SP140: variants seen among roughly 807,000 people sequenced by gnomAD.
SP140 encodes the protein nuclear body protein SP140.
SP140 carries 81 observed loss-of-function variants against 125.0 expected under a neutral mutation model. The observed-to-expected ratio is 0.65, with a 90% confidence interval of 0.54 to 0.78. The LOEUF is 0.78. Ranked by LOEUF, SP140 falls within the 30% of genes least tolerant of loss-of-function variation. The pLI, the probability that SP140 is intolerant of heterozygous loss-of-function variation, is 0.00. For synonymous variants in SP140, 312 were observed against 354.0 expected (o/e 0.88, Z 1.33); for missense variants, 858 against 1,037.0 (o/e 0.83, Z 2.37).
intron 24 of SP140, 80 bp from the exon 25 acceptor site, chr2:230,311,074 G>A (rs878877357): frequency 4.4e-6 from 7 of 1,607,806 alleles, no homozygotes; most frequent in African/African-American, 1.3e-5. Flanking sequence ...GAAGAAGGGT[G>A]TGAGTTCTGT....
At chr2:230,253,558 G>C in intron 11 of SP140, 141 bp downstream of exon 11, 1 of 671,168 alleles carries the variant, frequency 1.5e-6, no homozygotes. Context: ...TCAATTTTCT[G>C]TTGGGCTTTT....
chr2:230,200,938 T>C, upstream of SP140: 1 of 1,613,932 alleles, frequency 6.2e-7, no homozygotes, highest in Non-Finnish European at 8.5e-7. Flanking sequence ...CTTTCCTTCA[T>C]TCATTTCTGA....
At position 230,211,899 on chromosome 2, in the gene SP140, T is replaced by C. The variant is rs2044523483; in HGVS notation, c.-322-1755T>C. ...ACAATGCCCAATATCATACCATTCT[T>C]ACGTTTAATGTAATCAAACTCCATT... On this transcript the variant is annotated intron_variant, in intron 1 of 4. Coordinates refer to the SP140 transcript ENST00000456542. This position sits in a 1 kb window ranked among gnomAD's most constrained non-coding sequence, Gnocchi z 4.2. Among the ~76,000 whole-genome samples, 1 of 152,212 alleles carries C rather than the reference T, an allele frequency of 6.6e-6. No individual in the cohort carries two copies. Among genetic ancestry groups the C allele is most frequent in the Non-Finnish European group, 1.5e-5 (1 of 68,028 alleles).
chr2:230,192,847 G>A, the SP140 span, among the ~76,000 whole-genome samples: 2 of 152,164 alleles, frequency 1.3e-5, no homozygotes, highest in African/African-American at 4.8e-5. Flanking sequence ...GTAATCTTCT[G>A]TAAATATCTA....
chr2:230,271,140 A>C (rs1003643838), intron 15 of SP140, among the ~76,000 whole-genome samples: 1 of 152,222 alleles, frequency 6.6e-6, no homozygotes, highest in African/African-American at 2.4e-5. Context: ...CACTGACATA[A>C]CTGGAAGAAA....
chr2:230,268,145 T>C (rs981712843), intron 12 of SP140, among the ~76,000 whole-genome samples: 44 of 152,180 alleles, frequency 2.9e-4, no homozygotes, highest in African/African-American at 1.0e-3. Context: ...TAGTCTAGAA[T>C]TCCTGAGCTC....
downstream of SP140, among the ~76,000 whole-genome samples, chr2:230,315,517 TC>T (rs368023869): frequency 1.1e-3 from 162 of 152,144 alleles, 1 homozygote; most frequent in African/African-American, 3.5e-3. Flanking sequence ...AGCAATCGTT[TC>T]CCCTCTTCCT....
At chr2:230,221,934 T>C, upstream of SP140, 1 of 602,970 alleles carries the variant, frequency 1.7e-6, no homozygotes, top group East Asian at 2.8e-5. Context: ...TTCTAAGCCA[T>C]ATATGCTTGG....
At chr2:230,289,926 T>C (rs1256953123) in intron 18 of SP140, among the ~76,000 whole-genome samples, 1 of 152,204 alleles carries the variant, frequency 6.6e-6, no homozygotes, top group African/African-American at 2.4e-5. Flanking sequence ...CCCTGAGCTC[T>C]TCTCTTAGCT....
chr2:230,248,637 A>G (rs1863678), intron 8 of SP140, among the ~76,000 whole-genome samples: 16 of 152,330 alleles, frequency 1.1e-4, no homozygotes, highest in South Asian at 1.0e-3. Context: ...AGACAAGAGA[A>G]GCCAGTTGGA....
rs983225395 is a variant in SP140, at chr2:230,211,725, G to A, written c.-322-1929G>A. 5.3e-5 allele frequency among the ~76,000 whole-genome samples: 8 copies of A among 152,266 alleles called. No homozygotes were observed. The East Asian group carries it at 1.4e-3, about 26-fold the overall frequency. On this transcript the variant is annotated intron_variant, in intron 1 of 4. Transcript: ENST00000456542. The surrounding 1 kb of genome is among the most constrained non-coding windows in gnomAD (Gnocchi z 4.2). ...GTAAGCAACCATTCACTCTCAATTA[G>A]CCACTTGTTCTTCCATTGCTGTTAG...
chr2:230,233,796 C>T (rs765461410), intron 1 of SP140, among the ~76,000 whole-genome samples: 1 of 152,098 alleles, frequency 6.6e-6, no homozygotes, highest in Non-Finnish European at 1.5e-5. Context: ...GCAGCTAGAC[C>T]CTCCTATCTG....
chr2:230,225,620 C>T (rs1033270826), upstream of SP140: 3 of 596,426 alleles, frequency 5.0e-6, no homozygotes, highest in Non-Finnish European at 9.0e-6. Flanking sequence ...CTTCCGTGGC[C>T]TCGTGGGGCT....
At chr2:230,294,249 C>G in intron 20 of SP140, 22 bp from the exon 21 acceptor site, 1 of 1,608,546 alleles carries the variant, frequency 6.2e-7, no homozygotes, top group Non-Finnish European at 8.5e-7. Context: ...TGACCATATA[C>G]CTGAATCTTT....
In SP140 at chr2:230,269,736, G is replaced by T. The variant is rs1447327243; in HGVS notation, c.1328-101G>T. The T allele has an allele frequency of 2.7e-6, 3 of 1,108,286 alleles. No individual in the cohort carries two copies. In the African/African-American group the frequency reaches 4.7e-5, roughly 17 times the overall value. 68.7% of individuals were successfully genotyped at this position (1,108,286 alleles called of 1,614,324 possible). ...ATAAGGAGGAGCAGTGAAAGGAGAA[G>T]ATTTCAGAGGAAAAAGTAAAGAAGG... On this transcript the variant is annotated intron_variant, in intron 13 of 26. Transcript: ENST00000392045.
chr2:230,216,711 G>A (rs1454465944), intron 3 of SP140: 1 of 1,588,148 alleles, frequency 6.3e-7, no homozygotes, highest in Non-Finnish European at 8.6e-7. Flanking sequence ...GTGGTTTGTG[G>A]TTTGAGACTT....
Position 230,212,993 on chromosome 2 carries a change from T to C in SP140, c.-322-661T>C, listed in dbSNP as rs115460481. The C allele has an allele frequency of 9.2e-5, 148 of 1,614,010 alleles. No individual in the cohort carries two copies. In the East Asian group the frequency reaches 2.9e-3, roughly 32 times the overall value. ...CAGTTGGGGCTTCAAGTAGGATTGG[T>C]GTGTCTCTGCTCTGCCATTCATAGG... is the stretch of plus-strand genomic sequence containing the variant. On this transcript the variant is annotated intron_variant, in intron 1 of 4. Coordinates refer to the SP140 transcript ENST00000456542.
intron 21 of SP140, among the ~76,000 whole-genome samples, chr2:230,296,207 C>T (rs1456341917): frequency 6.6e-6 from 1 of 152,138 alleles, no homozygotes; most frequent in Non-Finnish European, 1.5e-5. Flanking sequence ...CATCATAGCA[C>T]TCCAGCCTAG....
At chr2:230,313,910 T>G (rs752799238), downstream of SP140, among the ~76,000 whole-genome samples, 1 of 152,192 alleles carries the variant, frequency 6.6e-6, no homozygotes, top group Non-Finnish European at 1.5e-5. Flanking sequence ...AGTATGGGTT[T>G]TGGTGGCTAT....
Sources: allele counts gnomAD v4.1 joint callset (sites outside exome capture counted in the v4.1 genomes callset), GRCh38; gene constraint gnomAD v4.1.1; non-coding constraint Gnocchi (gnomAD v3.1); transcripts MANE v1.5; gene names NCBI Gene and HGNC (gene_info 2026-07-23, HGNC 2026-07-21).